The following PVT1 variants were observed in gnomAD, a reference collection of about 807,000 sequenced individuals.
The protein encoded by PVT1 is CXCR4/PVT1 fusion.
intron 4 of PVT1, among the ~76,000 whole-genome samples, chr8:128,023,896 A>G: frequency 6.6e-6 from 1 of 152,232 alleles, no homozygotes; most frequent in Admixed American, 6.5e-5. Context: ...TGAGTGAACA[A>G]AAAAAACAGC....
intron 5 of PVT1, among the ~76,000 whole-genome samples, chr8:128,087,609 T>C (rs1814274701): frequency 6.6e-6 from 1 of 152,178 alleles, no homozygotes; most frequent in South Asian, 2.1e-4. Flanking sequence ...AGGGCCCACA[T>C]CGTTTTCCAA....
intron 3 of PVT1, among the ~76,000 whole-genome samples, chr8:127,959,812 C>A (rs1285524680): frequency 6.6e-6 from 1 of 152,074 alleles, no homozygotes; most frequent in East Asian, 1.9e-4. Context: ...GGTGAGCAGC[C>A]CGTCAGGAGC....
chr8:127,992,218 TC>T (rs1455728875), intron 4 of PVT1, among the ~76,000 whole-genome samples: 1 of 152,012 alleles, frequency 6.6e-6, no homozygotes, highest in Non-Finnish European at 1.5e-5. Flanking sequence ...AAACCCTGTC[TC>T]TATTAAAAAT....
intron 3 of PVT1, among the ~76,000 whole-genome samples, chr8:127,937,172 C>T (rs1174554848): frequency 2.0e-5 from 3 of 152,250 alleles, no homozygotes; most frequent in Admixed American, 6.5e-5. Flanking sequence ...TGCAATTAAT[C>T]TGACAGCAGG....
chr8:127,887,931 G>GTTTTCTTGTTT (rs1815544603), intron 2 of PVT1, among the ~76,000 whole-genome samples: 1 of 66,580 alleles, frequency 1.5e-5, no homozygotes, highest in African/African-American at 6.5e-5. Flanking sequence ...ACTCTATCTT[G>GTTTTCTTGTTT]TTTTTTTTTT....
At position 127,946,798 on chromosome 8, in the gene PVT1, C is replaced by A. The variant is rs559745153; in HGVS notation, n.783-42364C>A. ...TGTCACTTGTTGGAATTCCTAGAAT[C>A]CCAGAAAAGTAAGTTTAAGTTTTCT... On this transcript the variant is annotated intron_variant and non_coding_transcript_variant, in intron 3 of 10. Coordinates refer to ENST00000651587, the Ensembl canonical transcript of PVT1. 10 of 154,032 alleles carry A rather than the reference C, an allele frequency of 6.5e-5. No individual in the cohort carries two copies. The Middle Eastern group carries it at 1.7e-3, about 27-fold the overall frequency. The allele number at this position is 154,032 out of a possible 1,614,324, so 9.5% of individuals were successfully genotyped here.
At position 127,864,961 on chromosome 8, in the gene PVT1, G is replaced by C. The variant is rs1169308863; in HGVS notation, n.373-25628G>C. ...GTGACAGAGGCCATCTTGTCCTAGA[G>C]GGACCTGGCTAAGAGGATCTAAGAC... On this transcript the variant is annotated intron_variant and non_coding_transcript_variant, in intron 2 of 10. Coordinates refer to ENST00000651587, the Ensembl canonical transcript of PVT1. Among the ~76,000 whole-genome samples the C allele has an allele frequency of 3.9e-5, 6 of 152,314 alleles. No individual in the cohort carries two copies. The East Asian group carries it at 1.2e-3, about 29-fold the overall frequency.
intron 4 of PVT1, among the ~76,000 whole-genome samples, chr8:127,991,889 G>A (rs547137907): frequency 6.3e-4 from 96 of 152,194 alleles, no homozygotes; most frequent in African/African-American, 2.2e-3. Context: ...TGGCTGGGAC[G>A]CACACCAATA....
intron 3 of PVT1, among the ~76,000 whole-genome samples, chr8:127,911,536 A>G (rs765561354): frequency 9.6e-4 from 146 of 152,324 alleles, no homozygotes; most frequent in Non-Finnish European, 1.8e-3. Context: ...TCCGGAGGAG[A>G]TGGCAGCTCT....
intron 3 of PVT1, among the ~76,000 whole-genome samples, chr8:127,974,348 A>G (rs1018838767): frequency 2.0e-5 from 3 of 152,062 alleles, no homozygotes; most frequent in African/African-American, 7.2e-5. Context: ...CCAGAGTTTT[A>G]TCCTAATTTT....
At chr8:127,913,051 T>C (rs1815930570) in intron 3 of PVT1, among the ~76,000 whole-genome samples, 1 of 148,146 alleles carries the variant, frequency 6.8e-6, no homozygotes, top group Non-Finnish European at 1.5e-5. Flanking sequence ...GGTTTTACCG[T>C]GTTGGCCAGG....
At chr8:127,987,068 A>C (rs1362057400) in intron 3 of PVT1, among the ~76,000 whole-genome samples, 1 of 152,168 alleles carries the variant, frequency 6.6e-6, no homozygotes, top group East Asian at 1.9e-4. Flanking sequence ...CATCTGTAAA[A>C]TGGGAAGAAA....
At chr8:127,974,808 T>C (rs1182950279) in intron 3 of PVT1, among the ~76,000 whole-genome samples, 1 of 152,260 alleles carries the variant, frequency 6.6e-6, no homozygotes, top group East Asian at 1.9e-4. Flanking sequence ...CTTCCTTGAC[T>C]AATCAGATTG....
At chr8:127,797,487 C>T (rs919328055) in intron 2 of PVT1, among the ~76,000 whole-genome samples, 2 of 152,140 alleles carry the variant, frequency 1.3e-5, no homozygotes, top group Admixed American at 1.3e-4. Flanking sequence ...CCATTGAGTC[C>T]TGTGGACAGT....
At chr8:128,013,336 T>C (rs16902544) in intron 4 of PVT1, among the ~76,000 whole-genome samples, 2,483 of 152,282 alleles carry the variant, frequency 0.016, 67 homozygotes, top group African/African-American at 0.056. Context: ...GTTATCATTG[T>C]AATAGCTGCA....
At chr8:127,914,384 C>T (rs2129852075) in intron 3 of PVT1, among the ~76,000 whole-genome samples, 1 of 147,882 alleles carries the variant, frequency 6.8e-6, no homozygotes, top group Admixed American at 6.8e-5. Flanking sequence ...ATGATACAGT[C>T]TCTGTGGAAG....
At chr8:127,806,404 T>A (rs975825792) in intron 2 of PVT1, among the ~76,000 whole-genome samples, 11 of 152,126 alleles carry the variant, frequency 7.2e-5, no homozygotes, top group Middle Eastern at 3.4e-3. Flanking sequence ...TAGGTTGCAG[T>A]GAACCCAGAT....
chr8:128,018,849 C>A (rs1439537618), intron 4 of PVT1, among the ~76,000 whole-genome samples: 1 of 152,220 alleles, frequency 6.6e-6, no homozygotes, highest in Non-Finnish European at 1.5e-5. Flanking sequence ...TTCCCTGAAT[C>A]CGACAGTGGT....
chr8:128,061,994 C>T (rs1234515509), intron 4 of PVT1, among the ~76,000 whole-genome samples: 1 of 152,246 alleles, frequency 6.6e-6, no homozygotes, highest in Non-Finnish European at 1.5e-5. Flanking sequence ...TCTTACCCAC[C>T]TTCCCATGGA....
Sources: allele counts gnomAD v4.1 joint callset (sites outside exome capture counted in the v4.1 genomes callset), GRCh38; gene constraint gnomAD v4.1.1; transcripts MANE v1.5; gene names NCBI Gene and HGNC (gene_info 2026-07-23, HGNC 2026-07-21).